The following WWOX variants were observed in gnomAD, a reference collection of about 807,000 sequenced individuals.
The protein encoded by WWOX is WW domain containing oxidoreductase.
A neutral mutation model predicts 46.2 loss-of-function variants in WWOX; 69 were observed. The ratio of observed to expected loss-of-function variants is 1.49; its 90% CI spans 1.23 to 1.82. The LOEUF (loss-of-function observed/expected upper bound fraction) is 1.82. WWOX is among the 40% of genes most tolerant of loss of function. The probability of loss-of-function intolerance (pLI) is 0.00; values close to 1 mark genes in which losing one functional copy is unlikely to be tolerated. For synonymous variants in WWOX, 359 were observed against 202.6 expected (o/e 1.77, Z -6.56); for missense variants, 919 against 542.6 (o/e 1.69, Z -6.89).
intron 5 of WWOX, among the ~76,000 whole-genome samples, chr16:78,269,778 C>T (rs2079437752): frequency 1.3e-5 from 2 of 152,174 alleles, no homozygotes; most frequent in South Asian, 4.1e-4. Flanking sequence ...TAAATACTTT[C>T]CGAGGCCGAC....
chr16:78,854,612 G>C (rs1450174580), intron 8 of WWOX, among the ~76,000 whole-genome samples: 1 of 152,102 alleles, frequency 6.6e-6, no homozygotes, highest in Non-Finnish European at 1.5e-5. Context: ...GCAGCATGTT[G>C]CTTTGTCACC....
chr16:78,634,588 C>T (rs935532585), intron 8 of WWOX, among the ~76,000 whole-genome samples: 1 of 151,888 alleles, frequency 6.6e-6, no homozygotes, highest in Non-Finnish European at 1.5e-5. Flanking sequence ...CGCCTGTAAT[C>T]CCAGCTATTC....
At chr16:78,958,581 T>G (rs1449269602) in intron 8 of WWOX, among the ~76,000 whole-genome samples, 3 of 152,252 alleles carry the variant, frequency 2.0e-5, no homozygotes, top group Non-Finnish European at 2.9e-5. Context: ...AACAGTGTTT[T>G]TTAACAGTGC....
In WWOX at chr16:79,148,782, C is replaced by A. The variant is rs565936160; in HGVS notation, c.1057-62826C>A. On this transcript the variant is annotated intron_variant, in intron 8 of 8. Transcript: ENST00000566780. ...CCTAAGCATTTCATTTTCTTTGGAG[C>A]GATTGTAAATGGCATTGTGTTTTTA... 5.3e-4 allele frequency among the ~76,000 whole-genome samples: 72 copies of A among 135,444 alleles called. No individual in the cohort carries two copies. In the Middle Eastern group the frequency reaches 0.019, roughly 35 times the overall value. 88.9% of individuals were successfully genotyped at this position (135,444 alleles called of 152,430 possible).
chr16:78,903,212 A>T (rs1160337827), intron 8 of WWOX, among the ~76,000 whole-genome samples: 2 of 152,156 alleles, frequency 1.3e-5, no homozygotes, highest in Non-Finnish European at 2.9e-5. Flanking sequence ...ACCCCTTATA[A>T]ATGAAGTGGT....
At chr16:78,857,928 A>G (rs970687696) in intron 8 of WWOX, among the ~76,000 whole-genome samples, 2 of 152,192 alleles carry the variant, frequency 1.3e-5, no homozygotes, top group Non-Finnish European at 2.9e-5. Context: ...ATTTGAATGA[A>G]TGTGCCAGGA....
Position 79,141,579 on chromosome 16 carries a change from G to A in WWOX, c.1057-70029G>A, listed in dbSNP as rs62038855. On this transcript the variant is annotated intron_variant, in intron 8 of 8. Coordinates refer to ENST00000566780, the MANE Select transcript of WWOX (RefSeq NM_016373.4). ...CAGCTCTTTGGCTTTGTAGAAGGTC[G>A]AGTTCTCCAAATTTAAGAGATTCAA... 9.3e-3 allele frequency among the ~76,000 whole-genome samples: 1,418 copies of A among 152,308 alleles called. 8 individuals carry two copies. The highest frequency in any genetic ancestry group is 0.014 in the South Asian group (69 of 4,830).
rs1408822982 is a variant in WWOX, at chr16:79,211,975, G to GC, written c.*179_*180insC. On this transcript the variant is annotated 3_prime_UTR_variant, in exon 9 of 9. Transcript: ENST00000566780. Reference sequence around the variant, plus strand: ...ACCAATGGGAAGCAGGGAATTCCTGGGGTAAAGTATCACTTTTCTGGGGCT... The same window carrying GC: ...ACCAATGGGAAGCAGGGAATTCCTGGCGGTAAAGTATCACTTTTCTGGGGCT... 1.6e-5 allele frequency: 25 copies of GC among 1,526,124 alleles called. No individual in the cohort carries two copies. The highest frequency in any genetic ancestry group is 1.2e-4 in the East Asian group (5 of 40,830). 94.5% of individuals were successfully genotyped at this position (1,526,124 alleles called of 1,614,324 possible).
intron 8 of WWOX, among the ~76,000 whole-genome samples, chr16:78,731,109 G>T (rs867539778): frequency 6.6e-6 from 1 of 152,096 alleles, no homozygotes; most frequent in African/African-American, 2.4e-5. Context: ...GCTTGCTTTT[G>T]TTTTTTGAGT....
intron 8 of WWOX, among the ~76,000 whole-genome samples, chr16:78,992,403 G>A (rs1438316186): frequency 7.9e-5 from 12 of 152,088 alleles, no homozygotes; most frequent in Admixed American, 3.9e-4. Flanking sequence ...GGAGGCAGAG[G>A]TTGCAGTGAA....
At chr16:78,847,773 A>T (rs1465244779) in intron 8 of WWOX, among the ~76,000 whole-genome samples, 1 of 139,816 alleles carries the variant, frequency 7.2e-6, no homozygotes, top group African/African-American at 2.9e-5. Flanking sequence ...TAGCTTGTTT[A>T]AAAAAAAAAA....
intron 8 of WWOX, among the ~76,000 whole-genome samples, chr16:79,091,202 C>T (rs2048953092): frequency 6.6e-6 from 1 of 152,114 alleles, no homozygotes; most frequent in Non-Finnish European, 1.5e-5. Context: ...TTTCCTCTTC[C>T]TATAAAACAA....
At chr16:78,624,335 A>C (rs2738572) in intron 8 of WWOX, among the ~76,000 whole-genome samples, 111,919 of 151,878 alleles carry the variant, frequency 0.74, 41,459 homozygotes, top group African/African-American at 0.79. Context: ...CTCCTTTGCT[A>C]ACCAAACCCT....
At chr16:78,685,762 T>G (rs572210699) in intron 8 of WWOX, among the ~76,000 whole-genome samples, 2 of 152,276 alleles carry the variant, frequency 1.3e-5, no homozygotes, top group African/African-American at 4.8e-5. Flanking sequence ...GAGTAAGATC[T>G]TGGCTTGTGT....
chr16:79,032,433 G>A lies in WWOX; in HGVS notation c.1057-179175G>A, dbSNP rs1374581702. ...ATATGTTACATATTATGTTGAGAGT[G>A]TATATATTATATATGGGTTTCTATA... On this transcript the variant is annotated intron_variant, in intron 8 of 8. Coordinates refer to ENST00000566780, the MANE Select transcript of WWOX (RefSeq NM_016373.4). Among the ~76,000 whole-genome samples, 3 of 146,352 alleles carry A rather than the reference G, an allele frequency of 2.0e-5. No homozygotes were observed. In the Admixed American group the frequency reaches 2.1e-4, roughly 10 times the overall value.
chr16:79,137,776 C>A (rs1046316291), intron 8 of WWOX, among the ~76,000 whole-genome samples: 3 of 152,106 alleles, frequency 2.0e-5, no homozygotes, highest in Admixed American at 2.0e-4. Context: ...TGTGTTCCTC[C>A]CCTTCTTCCT....
intron 8 of WWOX, among the ~76,000 whole-genome samples, chr16:78,989,988 G>C (rs2046854393): frequency 6.6e-6 from 1 of 151,844 alleles, no homozygotes; most frequent in Non-Finnish European, 1.5e-5. Context: ...TTCGAGGCTA[G>C]CCTGGGCAAC....
intron 8 of WWOX, among the ~76,000 whole-genome samples, chr16:78,480,794 G>C (rs2084466074): frequency 6.6e-6 from 1 of 152,168 alleles, no homozygotes; most frequent in Admixed American, 6.5e-5. Flanking sequence ...GTGGACTTTA[G>C]CTTTGAAATG....
At chr16:78,512,768 G>C (rs1018867310) in intron 8 of WWOX, among the ~76,000 whole-genome samples, 1 of 152,318 alleles carries the variant, frequency 6.6e-6, no homozygotes, top group East Asian at 1.9e-4. Flanking sequence ...TGACTGGCTT[G>C]TAAATCAATG....
Sources: allele counts gnomAD v4.1 joint callset (sites outside exome capture counted in the v4.1 genomes callset), GRCh38; gene constraint gnomAD v4.1.1; transcripts MANE v1.5; gene names NCBI Gene and HGNC (gene_info 2026-07-23, HGNC 2026-07-21).